Variants in TRIM14 observed in about 807,000 individuals in gnomAD.
TRIM14 encodes the protein tripartite motif containing 14.
A neutral mutation model predicts 44.5 loss-of-function variants in TRIM14; 28 were observed. That is an observed-to-expected ratio of 0.63 (90% CI 0.47 to 0.86). The LOEUF is 0.86. Ranked by LOEUF, TRIM14 falls within the 40% of genes least tolerant of loss-of-function variation. TRIM14 has a pLI of 0.00. For synonymous variants in TRIM14, 299 were observed against 269.2 expected (o/e 1.11, Z -1.08); for missense variants, 607 against 611.1 (o/e 0.99, Z 0.07).
At chr9:98,101,962 C>T (rs1240674702) in intron 2 of TRIM14, among the ~76,000 whole-genome samples, 1 of 142,804 alleles carries the variant, frequency 7.0e-6, no homozygotes, top group Non-Finnish European at 1.5e-5. Flanking sequence ...GAGCTGAGAT[C>T]AGGCCGCTGC....
At chr9:98,090,841 G>A (rs1564174881) in intron 5 of TRIM14, among the ~76,000 whole-genome samples, 1 of 152,196 alleles carries the variant, frequency 6.6e-6, no homozygotes, top group Non-Finnish European at 1.5e-5. Context: ...TGGGATTACA[G>A]GTGTGAGCCA....
chr9:98,063,503 A>G, the TRIM14 span, among the ~76,000 whole-genome samples: 18 of 151,992 alleles, frequency 1.2e-4, no homozygotes, highest in African/African-American at 4.4e-4. Flanking sequence ...CAGCCTCCCA[A>G]AGTGCTGGGA....
downstream of TRIM14, among the ~76,000 whole-genome samples, chr9:98,067,749 T>C (rs535270165): frequency 2.0e-5 from 3 of 152,278 alleles, no homozygotes; most frequent in East Asian, 3.9e-4. Context: ...AGATACGGTC[T>C]TGCTCTGTCG....
intron 1 of TRIM14, among the ~76,000 whole-genome samples, chr9:98,110,416 T>A (rs1826802667): frequency 6.6e-6 from 1 of 152,182 alleles, no homozygotes; most frequent in Non-Finnish European, 1.5e-5. Flanking sequence ...TCTGTGACCC[T>A]CTGGCCCTGG....
At chr9:98,039,242 G>A in the TRIM14 span, among the ~76,000 whole-genome samples, 1 of 151,976 alleles carries the variant, frequency 6.6e-6, no homozygotes, top group Admixed American at 6.6e-5. Context: ...CTCCACCTCT[G>A]GAGGCTCAAG....
At chr9:98,063,722 T>A in the TRIM14 span, among the ~76,000 whole-genome samples, 2 of 151,828 alleles carry the variant, frequency 1.3e-5, no homozygotes, top group Non-Finnish European at 2.9e-5. Context: ...AAAAAAAAAT[T>A]TATAGAGACA....
chr9:98,106,877 G>A (rs1826634948), intron 2 of TRIM14, among the ~76,000 whole-genome samples: 1 of 148,488 alleles, frequency 6.7e-6, no homozygotes, highest in Admixed American at 6.7e-5. Flanking sequence ...CCAGGCTGGA[G>A]TGTAGTGGGT....
chr9:98,056,121 G>C, the TRIM14 span, among the ~76,000 whole-genome samples: 1 of 152,108 alleles, frequency 6.6e-6, no homozygotes, highest in African/African-American at 2.4e-5. Context: ...GATGGCTTTG[G>C]ACAAGCCAGT....
chr9:98,096,628 C>G (rs1227972823), intron 3 of TRIM14, among the ~76,000 whole-genome samples: 1 of 152,100 alleles, frequency 6.6e-6, no homozygotes, highest in Admixed American at 6.5e-5. Context: ...TCTCTCAGGC[C>G]AGAAACCCAG....
intron 6 of TRIM14, among the ~76,000 whole-genome samples, chr9:98,072,274 G>A (rs1197651849): frequency 1.3e-5 from 2 of 152,206 alleles, no homozygotes; most frequent in African/African-American, 4.8e-5. Context: ...CCCAGCGATG[G>A]CTGTTCTGTG....
At chr9:98,102,199 G>C (rs1303466588) in intron 2 of TRIM14, among the ~76,000 whole-genome samples, 1 of 152,024 alleles carries the variant, frequency 6.6e-6, no homozygotes, top group Non-Finnish European at 1.5e-5. Context: ...CTGTCTGCAA[G>C]CATTCAGCTC....
rs1196503028 is a variant in TRIM14, at chr9:98,084,778, T to G, written c.*2692A>C. The stretch of plus-strand genomic sequence containing the variant: ...TCCGCCTCCTGGGTTCAAGCAACTC[T>G]CTTGCCTCAGCCTCCCTAGTAGCTG... On this transcript the variant is annotated 3_prime_UTR_variant, in exon 6 of 6. Coordinates refer to ENST00000341469, the MANE Select transcript of TRIM14 (RefSeq NM_014788.4). 3.3e-5 allele frequency: 5 copies of G among 152,276 alleles called. No homozygotes were observed. The highest frequency in any genetic ancestry group is 5.9e-5 in the Non-Finnish European group (4 of 68,104). The allele number at this position is 152,276 out of a possible 1,614,324, so 9.4% of individuals were successfully genotyped here.
the TRIM14 span, among the ~76,000 whole-genome samples, chr9:98,046,782 A>ATGCCTTTACAAAAGGCAAATATTTATTT: frequency 6.6e-6 from 1 of 152,206 alleles, no homozygotes; most frequent in Non-Finnish European, 1.5e-5. Flanking sequence ...TTTTATTTAA[A>ATGCCTTTACAAAAGGCAAATATTTATTT]GCCTTTACAA....
At chr9:98,059,128 G>A in the TRIM14 span, among the ~76,000 whole-genome samples, 2 of 151,228 alleles carry the variant, frequency 1.3e-5, no homozygotes, top group Non-Finnish European at 1.5e-5. Flanking sequence ...GGTTCACACC[G>A]TTCTCCTGTC....
In TRIM14 at chr9:98,087,621, A is replaced by G. The variant is rs771900809; in HGVS notation, c.1178T>C (p.Val393Ala). Reference protein sequence around the residue: ...RPRDDLDRLGVFLDYEAGVLA... With the variant: ...RPRDDLDRLGAFLDYEAGVLA... ...GACGCCGGCCTCGTAGTCCAGGAAG[A>G]CGCCGAGCCGGTCGAGGTCGTCGCG... Residue 393 changes from valine (V) to alanine (A), a missense_variant, in exon 6 of 6, where the codon GTC becomes GCC. Physicochemically the swap from Val to Ala is moderately conservative, Grantham distance 64. Around this residue, in one of 3 missense-constraint regions of TRIM14, gnomAD observed 356 missense variants for 323.0 expected, o/e 1.10. Coordinates refer to ENST00000341469, the MANE Select transcript of TRIM14 (RefSeq NM_014788.4). The G allele has an allele frequency of 3.1e-6, 5 of 1,600,716 alleles. No homozygotes were observed. The East Asian group carries it at 1.1e-4, about 36-fold the overall frequency.
At chr9:98,052,185 T>G in the TRIM14 span, among the ~76,000 whole-genome samples, 1 of 152,218 alleles carries the variant, frequency 6.6e-6, no homozygotes, top group Non-Finnish European at 1.5e-5. Flanking sequence ...TGGGGTTACA[T>G]GAGGGAAACA....
the TRIM14 span, among the ~76,000 whole-genome samples, chr9:98,045,575 G>A: frequency 1.6e-4 from 24 of 152,052 alleles, no homozygotes; most frequent in Admixed American, 3.3e-4. Flanking sequence ...TTTTTCTGTC[G>A]TAAACCTTCT....
intron 4 of TRIM14, among the ~76,000 whole-genome samples, chr9:98,092,202 A>T (rs1406282465): frequency 6.6e-6 from 1 of 152,168 alleles, no homozygotes; most frequent in Non-Finnish European, 1.5e-5. Context: ...TAGGAGGAGG[A>T]GCTGAGGCGC....
At chr9:98,082,745 A>T, downstream of TRIM14, 1 of 1,104,738 alleles carries the variant, frequency 9.1e-7, no homozygotes, top group South Asian at 1.5e-5. Flanking sequence ...CTCCCAAGGT[A>T]CTGCCTGGGG....
Sources: allele counts gnomAD v4.1 joint callset (sites outside exome capture counted in the v4.1 genomes callset), GRCh38; gene constraint gnomAD v4.1.1; regional missense constraint gnomAD v4.1.1; transcripts MANE v1.5; gene names NCBI Gene and HGNC (gene_info 2026-07-23, HGNC 2026-07-21).